The following THSD4 variants were observed in gnomAD, a reference collection of about 807,000 sequenced individuals.
THSD4 encodes thrombospondin type-1 domain-containing protein 4.
Under a neutral mutation model 119.0 loss-of-function variants are expected in THSD4, and 69 were observed. That is an observed-to-expected ratio of 0.58 (90% CI 0.48 to 0.71). The LOEUF is 0.71. Among genes scored for constraint, THSD4 ranks in the 30% least tolerant of loss-of-function variants. The pLI is 0.00. For synonymous variants in THSD4, 524 were observed against 540.4 expected (o/e 0.97, Z 0.42); for missense variants, 1,393 against 1,391.1 (o/e 1.00, Z -0.02).
At chr15:71,294,640 C>T (rs900877181) in intron 6 of THSD4, among the ~76,000 whole-genome samples, 1 of 152,202 alleles carries the variant, frequency 6.6e-6, no homozygotes, top group Non-Finnish European at 1.5e-5. Flanking sequence ...TCTATATTCA[C>T]TGCAGGGCTC....
At chr15:71,146,668 G>T (rs1337106841) in intron 2 of THSD4, among the ~76,000 whole-genome samples, 1 of 152,162 alleles carries the variant, frequency 6.6e-6, no homozygotes, top group African/African-American at 2.4e-5. Context: ...ACATCTGGGG[G>T]GTGCAGAAGT....
chr15:71,702,770 A>T (rs1461062300), intron 8 of THSD4, among the ~76,000 whole-genome samples: 1 of 152,112 alleles, frequency 6.6e-6, no homozygotes, highest in Non-Finnish European at 1.5e-5. Flanking sequence ...CCACACACTC[A>T]GGCACCTCCT....
At chr15:71,597,261 G>T (rs927596878) in intron 7 of THSD4, among the ~76,000 whole-genome samples, 1 of 152,170 alleles carries the variant, frequency 6.6e-6, no homozygotes, top group African/African-American at 2.4e-5. Context: ...GCAAGAATAT[G>T]TGTAAGAACA....
Position 71,660,520 on chromosome 15 carries a change from CT to C in THSD4, c.1153-5del, listed in dbSNP as rs749400332. ...ATACTATGAGTCTTTTGTTTTCTGT[CT>C]TTTTGCAGAGCATTGGCTGTGATGA... On this transcript the variant is annotated splice_polypyrimidine_tract_variant and intron_variant, in intron 7 of 17. Transcript: ENST00000261862. The C allele has an allele frequency of 6.8e-6, 11 of 1,613,974 alleles. No homozygotes were observed. The South Asian group carries it at 1.1e-4, about 16-fold the overall frequency.
At chr15:71,246,335 T>G (rs2044201022) in intron 5 of THSD4, among the ~76,000 whole-genome samples, 1 of 152,124 alleles carries the variant, frequency 6.6e-6, no homozygotes, top group Non-Finnish European at 1.5e-5. Context: ...TCTGAACATC[T>G]TCCAGGTTCT....
At chr15:71,220,995 T>C (rs561935680) in intron 4 of THSD4, among the ~76,000 whole-genome samples, 1 of 152,274 alleles carries the variant, frequency 6.6e-6, no homozygotes, top group African/African-American at 2.4e-5. Context: ...ATAATGGCAC[T>C]CAACCAAGTC....
intron 7 of THSD4, among the ~76,000 whole-genome samples, chr15:71,571,006 G>A (rs988293927): frequency 1.3e-5 from 2 of 152,120 alleles, no homozygotes; most frequent in African/African-American, 4.8e-5. Context: ...AGCCTGCTTG[G>A]GGCTAGGGTG....
At chr15:71,238,657 G>A (rs2028587) in intron 4 of THSD4, among the ~76,000 whole-genome samples, 70,939 of 152,142 alleles carry the variant, frequency 0.47, 17,002 homozygotes, top group Middle Eastern at 0.61. Flanking sequence ...AATCCACTCT[G>A]TGGGTATACC....
chr15:71,324,310 AT>A lies in THSD4; in HGVS notation c.1015+67602del, dbSNP rs533495824. Among the ~76,000 whole-genome samples, 194 of 152,038 alleles carry A rather than the reference AT, an allele frequency of 1.3e-3. 11 individuals are homozygous for A. In the South Asian group the frequency reaches 0.04, roughly 31 times the overall value. On this transcript the variant is annotated intron_variant, in intron 6 of 17. Coordinates refer to ENST00000261862, the MANE Select transcript of THSD4 (RefSeq NM_024817.3). ...GAGTGTGCAATAATTTTTTAAAAAT[AT>A]TTTTTTATTTCAATAGCTTTTGGAG...
chr15:71,534,268 C>A (rs1338411110), intron 7 of THSD4, among the ~76,000 whole-genome samples: 1 of 152,230 alleles, frequency 6.6e-6, no homozygotes, highest in Non-Finnish European at 1.5e-5. Flanking sequence ...ACTCTTAAAG[C>A]ACCTGTATTC....
intron 7 of THSD4, among the ~76,000 whole-genome samples, chr15:71,626,045 C>T (rs1441349184): frequency 6.6e-6 from 1 of 152,180 alleles, no homozygotes; most frequent in Non-Finnish European, 1.5e-5. Context: ...CATTTTTCTA[C>T]AAAGATCTTA....
At chr15:71,594,414 G>T (rs879384276) in intron 7 of THSD4, among the ~76,000 whole-genome samples, 1 of 152,038 alleles carries the variant, frequency 6.6e-6, no homozygotes, top group South Asian at 2.1e-4. Flanking sequence ...TCACCATGTT[G>T]GCTGGGCTGT....
rs3086743 is a variant in THSD4, at chr15:71,711,096, C to CAT, written c.1358-17441_1358-17440dup. ...AAATATATATATGTATATATATATA[C>CAT]ATATATATATATAACATTGGGAGAA... is the stretch of plus-strand genomic sequence containing the variant. On this transcript the variant is annotated intron_variant, in intron 8 of 17. Transcript: ENST00000261862. 9.2e-3 allele frequency among the ~76,000 whole-genome samples: 1,189 copies of CAT among 129,396 alleles called. 24 individuals are homozygous for CAT. The highest frequency in any genetic ancestry group is 0.044 in the Admixed American group (579 of 13,150). 84.9% of individuals were successfully genotyped at this position (129,396 alleles called of 152,430 possible).
At chr15:71,131,786 A>G (rs1443114404) in intron 1 of THSD4, among the ~76,000 whole-genome samples, 1 of 152,174 alleles carries the variant, frequency 6.6e-6, no homozygotes, top group African/African-American at 2.4e-5. Context: ...AGTGGCAGTG[A>G]TTTAAGCTAC....
intron 6 of THSD4, among the ~76,000 whole-genome samples, chr15:71,397,434 G>A (rs184317621): frequency 3.8e-4 from 58 of 152,320 alleles, no homozygotes; most frequent in Middle Eastern, 3.4e-3. Context: ...TATTTGCTGA[G>A]TAAACGAATC....
At chr15:71,204,210 G>C (rs559522754) in intron 3 of THSD4, among the ~76,000 whole-genome samples, 3 of 152,210 alleles carry the variant, frequency 2.0e-5, no homozygotes, top group Non-Finnish European at 2.9e-5. Flanking sequence ...TTATAACGAA[G>C]TACAGTTTCC....
At position 71,582,638 on chromosome 15, in the gene THSD4, A is replaced by G. The variant is rs367714020; in HGVS notation, c.1153-77892A>G. Among the ~76,000 whole-genome samples, 4 of 152,190 alleles carry G rather than the reference A, an allele frequency of 2.6e-5. No individual in the cohort carries two copies. The East Asian group carries it at 7.7e-4, about 29-fold the overall frequency. The stretch of plus-strand genomic sequence containing the variant: ...TGGGCTTGCCATATATAGCCATATT[A>G]TGTTGCGGTATATTTCTTCTATACC... On this transcript the variant is annotated intron_variant, in intron 7 of 17. Coordinates refer to ENST00000261862, the MANE Select transcript of THSD4 (RefSeq NM_024817.3).
Position 71,771,208 on chromosome 15 carries a change from G to C in THSD4, c.2914G>C (p.Asp972His). Reference protein sequence around the residue: ...CNPQDCVPEVDENCKDKYYNC... With the variant: ...CNPQDCVPEVHENCKDKYYNC... ...CCCTCAGGACTGTGTCCCTGAAGTT[G>C]GTAAGTAGAGATTTCAATCATGGGG... is the stretch of plus-strand genomic sequence containing the variant. Residue 972 changes from aspartate to histidine, a missense_variant and splice_region_variant, in exon 17 of 18, where the codon GAT becomes CAT. Physicochemically the swap from Asp to His is moderately conservative, Grantham distance 81 (BLOSUM62 -1). Coordinates refer to ENST00000261862, the MANE Select transcript of THSD4 (RefSeq NM_024817.3). 1 of 1,613,040 alleles carries C rather than the reference G, an allele frequency of 6.2e-7. No homozygotes were observed. Among genetic ancestry groups the C allele is most frequent in the Non-Finnish European group, 8.5e-7 (1 of 1,179,768 alleles).
At chr15:71,308,658 G>T (rs539576887) in intron 6 of THSD4, among the ~76,000 whole-genome samples, 22 of 152,220 alleles carry the variant, frequency 1.4e-4, no homozygotes, top group Middle Eastern at 3.4e-3. Flanking sequence ...CCATTCCTCT[G>T]TTTATGGACA....
Sources: allele counts gnomAD v4.1 joint callset (sites outside exome capture counted in the v4.1 genomes callset), GRCh38; gene constraint gnomAD v4.1.1; transcripts MANE v1.5; gene names NCBI Gene and HGNC (gene_info 2026-07-23, HGNC 2026-07-21).